VEGFA: variants seen among roughly 807,000 people sequenced by gnomAD.
VEGFA encodes the protein vascular endothelial growth factor A, long form.
In VEGFA, 20 loss-of-function variants were observed where a neutral mutation model predicts 49.7. The observed-to-expected ratio is 0.40, with a 90% CI of 0.28 to 0.58. The LOEUF is 0.58. VEGFA is among the 20% of genes least tolerant of loss of function. VEGFA has a pLI of 0.40. For synonymous variants in VEGFA, 219 were observed against 223.4 expected (o/e 0.98, Z 0.18); for missense variants, 505 against 553.5 (o/e 0.91, Z 0.88).
At chr6:43,772,554 G>A (rs1666977038) in intron 1 of VEGFA, among the ~76,000 whole-genome samples, 1 of 152,222 alleles carries the variant, frequency 6.6e-6, no homozygotes, top group African/African-American at 2.4e-5. Flanking sequence ...CATGGGAATA[G>A]TCCTTCCTGA....
chr6:43,778,403 A>C, intron 3 of VEGFA, 57 bp from the exon 4 acceptor site: 2 of 1,522,536 alleles, frequency 1.3e-6, no homozygotes, highest in Admixed American at 1.7e-5. Flanking sequence ...GGGTTGTCCC[A>C]TCTGGGTATG....
At chr6:43,783,024 A>C (rs1231951226) in intron 7 of VEGFA, 2 of 152,204 alleles carry the variant, frequency 1.3e-5, no homozygotes, top group African/African-American at 4.8e-5. Flanking sequence ...AGCCCCGGGC[A>C]TCTGTACCTC....
In VEGFA at chr6:43,784,997, T is replaced by A. The variant is rs987593914; in HGVS notation, c.*435T>A. The A allele has an allele frequency of 1.7e-5, 3 of 181,460 alleles. No individual in the cohort carries two copies. Among genetic ancestry groups the A allele is most frequent in the African/African-American group, 7.1e-5 (3 of 42,138 alleles). 11.2% of individuals were successfully genotyped at this position (181,460 alleles called of 1,614,324 possible). ...ATATAAAATATATATATTCTTTTTT[T>A]AAATTAACAGTGCTAATGTTATTGG... On this transcript the variant is annotated 3_prime_UTR_variant, in exon 8 of 8. Coordinates refer to ENST00000672860, the MANE Select transcript of VEGFA (RefSeq NM_003376.6).
chr6:43,781,845 G>C (rs1346742130), intron 6 of VEGFA, 111 bp from the exon 7 acceptor site: 3 of 1,443,516 alleles, frequency 2.1e-6, no homozygotes, highest in Non-Finnish European at 2.8e-6. Context: ...GGGCTGACCG[G>C]CTGGGTGGGG....
intron 2 of VEGFA, chr6:43,774,659 A>C (rs951325614): frequency 3.6e-6 from 2 of 560,178 alleles, no homozygotes; most frequent in Admixed American, 6.0e-5. Flanking sequence ...AGTCGTGCGC[A>C]CAGAGCAGGA....
chr6:43,778,426 A>C, intron 3 of VEGFA, 34 bp from the exon 4 acceptor site: 5 of 1,604,688 alleles, frequency 3.1e-6, no homozygotes, highest in South Asian at 1.1e-5. Flanking sequence ...TGGCTGGGTC[A>C]CTAACCTCTG....
Position 43,771,222 on chromosome 6 carries a change from C to A in VEGFA, c.516C>A (p.Ala172=). The A allele has an allele frequency of 6.2e-7, 1 of 1,604,946 alleles. No individual in the cohort carries two copies. ...GCCGGAGAGGGAGCGCGAGCCGCGC[C>A]GGCCCCGGTCGGGCCTCCGAAACCA... The change falls in exon 1 of 8, where the codon GCC becomes GCA. Residue 172 remains alanine, a synonymous_variant. Transcript: ENST00000672860.
intron 6 of VEGFA, 134 bp downstream of exon 6, chr6:43,780,937 T>G (rs1767448928): frequency 6.3e-7 from 1 of 1,598,522 alleles, no homozygotes; most frequent in Non-Finnish European, 8.5e-7. Context: ...GGCCCGTGTC[T>G]CTCTCTCACT....
rs1238518725 is a variant in VEGFA, at chr6:43,770,690, G to A, written c.-17G>A. 1.9e-6 allele frequency: 3 copies of A among 1,543,646 alleles called. No individual in the cohort carries two copies. The highest frequency in any genetic ancestry group is 2.6e-5 in the East Asian group (1 of 38,630). On this transcript the variant is annotated 5_prime_UTR_variant, in exon 1 of 8. Coordinates refer to ENST00000672860, the MANE Select transcript of VEGFA (RefSeq NM_003376.6). ...CGTGAGCCCTCCCCCTTGGGATCCC[G>A]CAGCTGACCAGTCGCGCTGACGGAC...
chr6:43,774,103 C>T (rs987605118), intron 1 of VEGFA: 5 of 592,806 alleles, frequency 8.4e-6, no homozygotes, highest in African/African-American at 5.6e-5. Flanking sequence ...AGCTCCCCAG[C>T]CCCCAACATC....
chr6:43,780,327 G>A (rs1055457024), intron 5 of VEGFA: 2 of 321,274 alleles, frequency 6.2e-6, no homozygotes, highest in South Asian at 2.8e-5. Flanking sequence ...TATCACCCCC[G>A]GACCTTCAGG....
chr6:43,771,782 G>C (rs1023755176), intron 1 of VEGFA, among the ~76,000 whole-genome samples: 1 of 152,194 alleles, frequency 6.6e-6, no homozygotes, highest in African/African-American at 2.4e-5. Flanking sequence ...AGGAGGGAGA[G>C]GGGGCTTGCT....
chr6:43,777,846 A>G lies in VEGFA; in HGVS notation c.855+181A>G. 1 of 675,608 alleles carries G rather than the reference A, an allele frequency of 1.5e-6. No homozygotes were observed. The highest frequency in any genetic ancestry group is 2.5e-6 in the Non-Finnish European group (1 of 403,218). The allele number at this position is 675,608 out of a possible 1,614,324, so 41.9% of individuals were successfully genotyped here. On this transcript the variant is annotated intron_variant, in intron 3 of 7. Transcript: ENST00000672860. The surrounding 1 kb of genome is among the most constrained non-coding windows in gnomAD (Gnocchi z 4.3). ...GGAGAAGATGCTTCATTCCCAGCCC[A>G]GGTTCCCAGCAAGCCCCAACCATCT...
At chr6:43,780,674 T>A in intron 5 of VEGFA, 58 bp from the exon 6 acceptor site, 1 of 1,576,320 alleles carries the variant, frequency 6.3e-7, no homozygotes, top group Non-Finnish European at 8.7e-7. Context: ...CCTTACCACT[T>A]CTTTTACTCC....
intron 2 of VEGFA, chr6:43,774,685 A>T: frequency 1.9e-6 from 1 of 520,830 alleles, no homozygotes; most frequent in Admixed American, 3.2e-5. Flanking sequence ...GTGTTCAGGG[A>T]TCCTAGGTGT....
chr6:43,781,687 A>T, intron 6 of VEGFA: 1 of 432,528 alleles, frequency 2.3e-6, no homozygotes, highest in South Asian at 2.1e-5. Context: ...TCCCAGAGAC[A>T]CAGCATTGCC....
intron 2 of VEGFA, chr6:43,776,175 AG>A (rs1403224769): frequency 6.6e-6 from 1 of 152,232 alleles, no homozygotes; most frequent in Non-Finnish European, 1.5e-5. Context: ...CAGCATCTTT[AG>A]AGATCAGCCC....
In VEGFA at chr6:43,771,104, C is replaced by T. The variant is rs2127996735; in HGVS notation, c.398C>T (p.Ala133Val). Residue 133 changes from alanine to valine, a missense_variant, in exon 1 of 8, where the codon GCG (alanine) becomes GTG (valine). Physicochemically the swap from Ala to Val is moderately conservative, Grantham distance 64. Transcript: ENST00000672860. ...GTGTGCGCAGACAGTGCTCCAGCCG[C>T]GCGCGCTCCCCAGGCCCTGGCCCGG... is the stretch of plus-strand genomic sequence containing the variant. The T allele has an allele frequency of 6.8e-7, 1 of 1,465,010 alleles. No individual in the cohort carries two copies. Among genetic ancestry groups the T allele is most frequent in the Non-Finnish European group, 9.0e-7 (1 of 1,113,166 alleles). The allele number at this position is 1,465,010 out of a possible 1,614,324, so 90.8% of individuals were successfully genotyped here.
At chr6:43,779,897 C>G (rs1358849928) in intron 5 of VEGFA, 2 of 330,210 alleles carry the variant, frequency 6.1e-6, no homozygotes, top group Non-Finnish European at 1.2e-5. Flanking sequence ...GCCTGCCCCC[C>G]TTCCTGTTTC....
Sources: allele counts gnomAD v4.1 joint callset (sites outside exome capture counted in the v4.1 genomes callset), GRCh38; gene constraint gnomAD v4.1.1; non-coding constraint Gnocchi (gnomAD v3.1); transcripts MANE v1.5; gene names NCBI Gene and HGNC (gene_info 2026-07-23, HGNC 2026-07-21).